The following NELFCD variants were observed in gnomAD, a reference collection of about 807,000 sequenced individuals.
NELFCD encodes the protein negative elongation factor C/D.
A neutral mutation model predicts 72.9 loss-of-function variants in NELFCD; 48 were observed. The observed-to-expected ratio is 0.66, with a 90% CI of 0.52 to 0.84. NELFCD has a LOEUF of 0.84. Among genes scored for constraint, NELFCD ranks in the 40% least tolerant of loss-of-function variants. NELFCD has a pLI of 0.00. For synonymous variants in NELFCD, 297 were observed against 280.6 expected, an observed-to-expected ratio of 1.06 and a Z score of -0.59; for missense variants, 538 against 723.8, an observed-to-expected ratio of 0.74 and a Z score of 2.94.
intron 5 of NELFCD, 33 bp from the exon 6 acceptor site, chr20:58,989,455 G>T (rs1021793947): frequency 6.2e-6 from 10 of 1,609,852 alleles, no homozygotes; most frequent in Non-Finnish European, 5.9e-6. Flanking sequence ...GTCACTGCAT[G>T]CCTCCCCTCT....
rs375013863 is a variant in NELFCD at position 58,993,405 on chromosome 20, C to T, written c.1345-44C>T. The T allele has an allele frequency of 2.0e-5, 31 of 1,575,332 alleles. No homozygotes were observed. In the Middle Eastern group the frequency reaches 6.5e-4, roughly 33 times the overall value. The stretch of plus-strand genomic sequence containing the variant: ...GTGCCCAGTTTCTCTGTGTGCTGAG[C>T]GTGACCACACTGCTCAGCGAAGCTC... On this transcript the variant is annotated intron_variant, in intron 11 of 14. Transcript: ENST00000652272. This position sits in a 1 kb window ranked among gnomAD's most constrained non-coding sequence, Gnocchi z 5.0.
Position 58,986,231 on chromosome 20 carries a change from T to C in NELFCD, c.176+23T>C, listed in dbSNP as rs1405928750. The C allele has an allele frequency of 2.0e-6, 3 of 1,477,656 alleles. No homozygotes were observed. Among genetic ancestry groups the C allele is most frequent in the Non-Finnish European group, 1.9e-6 (2 of 1,055,756 alleles). 91.5% of individuals were successfully genotyped at this position (1,477,656 alleles called of 1,614,324 possible). On this transcript the variant is annotated intron_variant, in intron 2 of 14. Transcript: ENST00000652272. The surrounding 1 kb of genome is among the most constrained non-coding windows in gnomAD (Gnocchi z 4.4). ...GAGGTATGTGAGAAAGGTGTCTGTA[T>C]TGGGAGGAGGCTGGGGGTAATTTAG...
In NELFCD at chr20:58,982,410, T is replaced by A. The variant is rs113502314; in HGVS notation, c.60+1041T>A. ...TGACCTCAGGTGATCCACCCACCTC[T>A]GCCTCCCAAAGTACTGGGATTACAG... On this transcript the variant is annotated intron_variant, in intron 1 of 14. Transcript: ENST00000652272. 7.1e-3 allele frequency among the ~76,000 whole-genome samples: 1,084 copies of A among 152,152 alleles called. 13 individuals are homozygous for A. The highest frequency in any genetic ancestry group is 0.025 in the African/African-American group (1,024 of 41,510).
chr20:58,987,644 C>CT, intron 3 of NELFCD, 64 bp from the exon 4 acceptor site: 1 of 1,347,172 alleles, frequency 7.4e-7, no homozygotes, highest in Admixed American at 1.9e-5. Flanking sequence ...TGACCATTTG[C>CT]TTTCTAAAGC....
At chr20:58,987,572 A>G in intron 3 of NELFCD, 136 bp from the exon 4 acceptor site, 1 of 687,472 alleles carries the variant, frequency 1.5e-6, no homozygotes, top group Non-Finnish European at 2.5e-6. Flanking sequence ...AAGAGTTCCA[A>G]AACCTTACAT....
chr20:58,992,974 G>A, intron 10 of NELFCD, 24 bp from the exon 11 acceptor site: 1 of 1,536,734 alleles, frequency 6.5e-7, no homozygotes, highest in South Asian at 1.1e-5. Flanking sequence ...GTTTTTTAAA[G>A]GAAGCATTCT....
chr20:58,990,972 G>A lies in NELFCD; in HGVS notation c.851G>A (p.Cys284Tyr), dbSNP rs766316611. The change falls in exon 8 of 15, where the codon TGC (cysteine) becomes TAC (tyrosine). Residue 284 changes from cysteine to tyrosine, a missense_variant. Cys to Tyr is a radical substitution (Grantham distance 194, BLOSUM62 -2). Transcript: ENST00000652272. ...LGTAASYPRA[C>Y]QALGAMLSKG... ...ACAGCTGCCTCCTACCCCAGGGCCT[G>A]CCAGGCTCTCGGGGCCATGCTGTCC... is the stretch of plus-strand genomic sequence containing the variant. 2.5e-6 allele frequency: 4 copies of A among 1,614,182 alleles called. No individual in the cohort carries two copies. The South Asian group carries it at 4.4e-5, about 18-fold the overall frequency.
chr20:58,990,724 T>A (rs73297211), intron 7 of NELFCD, 186 bp from the exon 8 acceptor site: 1 of 559,254 alleles, frequency 1.8e-6, no homozygotes, highest in Non-Finnish European at 3.2e-6. Flanking sequence ...TCCTTTCTTA[T>A]AGAGCCAGCA....
intron 1 of NELFCD, among the ~76,000 whole-genome samples, chr20:58,985,040 A>G (rs562733368): frequency 6.6e-6 from 1 of 152,340 alleles, no homozygotes; most frequent in Non-Finnish European, 1.5e-5. Flanking sequence ...GGAGTGAGCA[A>G]ACTTTTCTGA....
rs1202967980 is a variant in NELFCD, at chr20:58,994,961, T to C, written c.*285T>C. 1 of 376,878 alleles carries C rather than the reference T, an allele frequency of 2.7e-6. No individual in the cohort carries two copies. Among genetic ancestry groups the C allele is most frequent in the Non-Finnish European group, 4.7e-6 (1 of 210,916 alleles). The allele number at this position is 376,878 out of a possible 1,614,324, so 23.3% of individuals were successfully genotyped here. A position where few individuals can be genotyped will look rare whatever the true frequency, so the allele number is the denominator to read the frequency against. Reference sequence around the variant, plus strand: ...GGCTCCCACGACCCCTCAGGACAGATCTGGCCGTCAGCCGCGGGCCGCTGG... The same window carrying C: ...GGCTCCCACGACCCCTCAGGACAGACCTGGCCGTCAGCCGCGGGCCGCTGG... On this transcript the variant is annotated 3_prime_UTR_variant, in exon 15 of 15. Coordinates refer to ENST00000652272, the MANE Select transcript of NELFCD (RefSeq NM_198976.4).
At chr20:58,991,232 G>C in intron 8 of NELFCD, 80 bp from the exon 9 acceptor site, 2 of 1,596,906 alleles carry the variant, frequency 1.3e-6, no homozygotes, top group Non-Finnish European at 1.7e-6. Flanking sequence ...GGCCCCTGCT[G>C]TGTAGGGAAC....
rs1180553904 is a variant in NELFCD at position 58,989,531 on chromosome 20, C to A, written c.548C>A (p.Ser183Tyr). 6 of 1,614,172 alleles carry A rather than the reference C, an allele frequency of 3.7e-6. No homozygotes were observed. ...TACCAGGGGGAGATCACCAGTGTGT[C>A]CACAGCATGCCAGCAGCTAGAAGTG... ...AGYQGEITSV[S>Y]TACQQLEVFS... The change falls in exon 6 of 15, where the codon TCC becomes TAC. Residue 183 changes from serine to tyrosine, a missense_variant. Physicochemically the swap from Ser to Tyr is moderately radical, Grantham distance 144. This residue lies in a region of NELFCD where 355 missense variants were observed against 534.5 expected (regional missense o/e 0.66). Coordinates refer to ENST00000652272, the MANE Select transcript of NELFCD (RefSeq NM_198976.4).
Position 58,993,706 on chromosome 20 carries a change from G to GA in NELFCD, c.1526dup (p.Cys510ValfsTer8). ...GTACTTCCTGTTGTCAGTTACATCCGAAAGTGTCTGGAGAAGCTGGACACT... is the reference window on the plus strand; with the variant it reads ...GTACTTCCTGTTGTCAGTTACATCCGAAAAGTGTCTGGAGAAGCTGGACACT... On this transcript the variant is annotated frameshift_variant, in exon 13 of 15. Coordinates refer to ENST00000652272, the MANE Select transcript of NELFCD (RefSeq NM_198976.4). LOFTEE classifies it high-confidence loss of function. The surrounding 1 kb of genome is among the most constrained non-coding windows in gnomAD (Gnocchi z 5.0). 4 of 1,614,220 alleles carry GA rather than the reference G, an allele frequency of 2.5e-6. No homozygotes were observed. The highest frequency in any genetic ancestry group is 3.4e-6 in the Non-Finnish European group (4 of 1,180,042).
Position 58,994,254 on chromosome 20 carries a change from C to G in NELFCD, c.1711+15C>G, listed in dbSNP as rs369083202. The G allele has an allele frequency of 2.5e-6, 4 of 1,613,220 alleles. No individual in the cohort carries two copies. The highest frequency in any genetic ancestry group is 2.7e-5 in the African/African-American group (2 of 75,044). Reference sequence around the variant, plus strand: ...GGAGTTTATAGGTGAGGCCGACTGCCTAGCCCTTTACTACAATAGAAAATG... The same window carrying G: ...GGAGTTTATAGGTGAGGCCGACTGCGTAGCCCTTTACTACAATAGAAAATG... On this transcript the variant is annotated intron_variant, in intron 14 of 14. Coordinates refer to ENST00000652272, the MANE Select transcript of NELFCD (RefSeq NM_198976.4).
chr20:58,994,816 A>C lies in NELFCD; in HGVS notation c.*140A>C. On this transcript the variant is annotated 3_prime_UTR_variant, in exon 15 of 15. Coordinates refer to ENST00000652272, the MANE Select transcript of NELFCD (RefSeq NM_198976.4). ...GAGGAGGTGGATGACTTCTTTACAAAGGAAAATGGTAGCAGCTTCAGTGAG... is the reference window on the plus strand; with the variant it reads ...GAGGAGGTGGATGACTTCTTTACAACGGAAAATGGTAGCAGCTTCAGTGAG... 1.4e-6 allele frequency: 1 copy of C among 697,998 alleles called. No individual in the cohort carries two copies. Among genetic ancestry groups the C allele is most frequent in the Non-Finnish European group, 2.6e-6 (1 of 389,626 alleles). The allele number at this position is 697,998 out of a possible 1,614,324, so 43.2% of individuals were successfully genotyped here. A position where few individuals can be genotyped will look rare whatever the true frequency, so the allele number is the denominator to read the frequency against.
rs759842689 is a variant in NELFCD at position 58,987,822 on chromosome 20, G to T, written c.396+5G>T. On this transcript the variant is annotated splice_donor_5th_base_variant and intron_variant, in intron 4 of 14. Coordinates refer to ENST00000652272, the MANE Select transcript of NELFCD (RefSeq NM_198976.4). Reference sequence around the variant, plus strand: ...ATTTTTACTGAAGAAGGAGAGGTGAGAAATTATTTTTCTTTGCCTAGTACC... The same window carrying T: ...ATTTTTACTGAAGAAGGAGAGGTGATAAATTATTTTTCTTTGCCTAGTACC... The T allele has an allele frequency of 4.2e-5, 68 of 1,611,688 alleles. No homozygotes were observed. The highest frequency in any genetic ancestry group is 5.4e-5 in the Non-Finnish European group (64 of 1,177,886).
Position 58,987,734 on chromosome 20 carries a change from A to T in NELFCD, c.313A>T (p.Thr105Ser). The change falls in exon 4 of 15, where the codon ACT (threonine) becomes TCT (serine). Residue 105 changes from threonine to serine, a missense_variant. Physicochemically the swap from Thr to Ser is moderately conservative, Grantham distance 58 (BLOSUM62 1). Transcript: ENST00000652272. Reference protein sequence around the residue: ...TGVEPVQVQETVENHLKSLLI... With the variant: ...TGVEPVQVQESVENHLKSLLI... ...TGTTGAGCCAGTGCAGGTTCAGGAA[A>T]CTGTGGAAAATCACTTGAAGAGTTT... 1 of 1,614,194 alleles carries T rather than the reference A, an allele frequency of 6.2e-7. No individual in the cohort carries two copies. The highest frequency in any genetic ancestry group is 8.5e-7 in the Non-Finnish European group (1 of 1,180,034).
chr20:58,989,801 C>G (rs1442662153), intron 6 of NELFCD, 57 bp from the exon 7 acceptor site: 13 of 1,612,414 alleles, frequency 8.1e-6, no homozygotes, highest in Admixed American at 1.7e-5. Context: ...TGGCTCTCGT[C>G]CGCCCGTCTG....
At chr20:58,981,786 C>T (rs2091735153) in intron 1 of NELFCD, among the ~76,000 whole-genome samples, 1 of 152,208 alleles carries the variant, frequency 6.6e-6, no homozygotes, top group African/African-American at 2.4e-5. Flanking sequence ...GGAAAAACTT[C>T]ACAGCAGCAT....
Sources: allele counts gnomAD v4.1 joint callset (sites outside exome capture counted in the v4.1 genomes callset), GRCh38; gene constraint gnomAD v4.1.1; regional missense constraint gnomAD v4.1.1; non-coding constraint Gnocchi (gnomAD v3.1); transcripts MANE v1.5; gene names NCBI Gene and HGNC (gene_info 2026-07-23, HGNC 2026-07-21).